The following SUCO variants were observed in gnomAD, a reference collection of about 807,000 sequenced individuals.
SUCO encodes SUN domain-containing ossification factor.
Under a neutral mutation model 148.1 loss-of-function variants are expected in SUCO, and 57 were observed. The observed-to-expected ratio is 0.38, with a 90% CI of 0.31 to 0.48. The LOEUF is 0.48. Ranked by LOEUF, SUCO falls within the 20% of genes least tolerant of loss-of-function variation. SUCO has a pLI of 0.96. For missense variants in SUCO, 1,331 were observed against 1,468.2 expected, an observed-to-expected ratio of 0.91 and a Z score of 1.53; for synonymous variants, 470 against 502.7, an observed-to-expected ratio of 0.93 and a Z score of 0.87.
At chr1:172,579,840 A>G (rs575211031) in intron 15 of SUCO, among the ~76,000 whole-genome samples, 1 of 152,280 alleles carries the variant, frequency 6.6e-6, no homozygotes, top group South Asian at 2.1e-4. Context: ...TCATGGTTAG[A>G]TTCTGTGTAG....
At chr1:172,532,395 A>G (rs1408969797), upstream of SUCO, 1 of 1,129,020 alleles carries the variant, frequency 8.9e-7, no homozygotes. Context: ...AGCACACTTA[A>G]AGTGAGGAAC....
Position 172,610,084 on chromosome 1 carries a change from C to A in SUCO, c.3590C>A (p.Thr1197Asn), listed in dbSNP as rs1658119432. 1 of 1,613,664 alleles carries A rather than the reference C, an allele frequency of 6.2e-7. No homozygotes were observed. ...AATGGACAGTCTCAAAAGACAAAAA[C>A]TGAGAAGAGGGCTTTAAAACGAAGA... ...LCNGQSQKTK[T>N]EKRALKRRRS... The change falls in exon 24 of 24, where the codon ACT becomes AAT. Residue 1197 changes from threonine (T) to asparagine (N), a missense_variant. By Grantham distance (65) the Thr-to-Asn change is moderately conservative. Around this residue, in one of 3 missense-constraint regions of SUCO, gnomAD observed 334 missense variants for 352.3 expected, o/e 0.95. Coordinates refer to ENST00000263688, the MANE Select transcript of SUCO (RefSeq NM_014283.5).
intron 3 of SUCO, among the ~76,000 whole-genome samples, chr1:172,554,703 C>G (rs1329853595): frequency 6.7e-6 from 1 of 149,798 alleles, no homozygotes; most frequent in East Asian, 2.0e-4. Flanking sequence ...TGCCACTGCA[C>G]TCCAGCCTGG....
At chr1:172,572,700 A>T (rs1485997666) in intron 9 of SUCO, among the ~76,000 whole-genome samples, 146 of 109,268 alleles carry the variant, frequency 1.3e-3, no homozygotes, top group African/African-American at 5.9e-3. Context: ...GATCAATAAA[A>T]AAAAAAAAAA....
At chr1:172,593,212 A>C (rs1339043237) in intron 19 of SUCO, among the ~76,000 whole-genome samples, 1 of 152,238 alleles carries the variant, frequency 6.6e-6, no homozygotes, top group South Asian at 2.1e-4. Flanking sequence ...CAGTCATGTT[A>C]TCTGCAAACA....
chr1:172,609,056 G>A (rs879259669), intron 23 of SUCO, among the ~76,000 whole-genome samples: 1 of 152,038 alleles, frequency 6.6e-6, no homozygotes, highest in Non-Finnish European at 1.5e-5. Context: ...GAGAGAAAAT[G>A]TGTGACCTGC....
chr1:172,570,023 T>C, intron 7 of SUCO, 24 bp from the exon 8 acceptor site: 3 of 1,367,710 alleles, frequency 2.2e-6, no homozygotes, highest in Non-Finnish European at 2.8e-6. Context: ...TATATAAATA[T>C]TTATAATAAC....
chr1:172,555,808 T>G, intron 3 of SUCO, 61 bp from the exon 4 acceptor site: 1 of 1,340,468 alleles, frequency 7.5e-7, no homozygotes. Context: ...ATGCCCGTTC[T>G]GCTAAAGAGA....
intron 20 of SUCO, 98 bp downstream of exon 20, chr1:172,600,266 C>A: frequency 3.6e-6 from 3 of 843,104 alleles, no homozygotes; most frequent in Non-Finnish European, 5.5e-6. Context: ...AAACTTTGAC[C>A]AAACAAAATT....
chr1:172,545,898 G>A (rs944597849), intron 1 of SUCO, among the ~76,000 whole-genome samples: 7 of 151,856 alleles, frequency 4.6e-5, no homozygotes, highest in African/African-American at 1.2e-4. Context: ...CCTTCTGTCC[G>A]TCCGTCCGTC....
chr1:172,600,500 C>T (rs1034221756), intron 20 of SUCO, among the ~76,000 whole-genome samples: 1 of 152,064 alleles, frequency 6.6e-6, no homozygotes, highest in Non-Finnish European at 1.5e-5. Flanking sequence ...GCAAACATTT[C>T]ATTGATTTAA....
chr1:172,533,312 C>T lies in SUCO; in HGVS notation c.-124C>T, dbSNP rs2149211817. The T allele has an allele frequency of 6.4e-7, 1 of 1,550,934 alleles. No individual in the cohort carries two copies. The highest frequency in any genetic ancestry group is 8.7e-7 in the Non-Finnish European group (1 of 1,146,978). ...CACTGAGGAGCCGCTCAGCCAGCGC[C>T]ATAGCCCTTAGGACTATCGGTCACA... On this transcript the variant is annotated 5_prime_UTR_variant, in exon 1 of 24. Coordinates refer to ENST00000263688, the MANE Select transcript of SUCO (RefSeq NM_014283.5).
Position 172,601,966 on chromosome 1 carries a change from A to C in SUCO, c.3019-98A>C, listed in dbSNP as rs1657557931. 3 of 1,253,610 alleles carry C rather than the reference A, an allele frequency of 2.4e-6. No homozygotes were observed. In the Admixed American group the frequency reaches 8.0e-5, roughly 34 times the overall value. The allele number at this position is 1,253,610 out of a possible 1,614,324, so 77.7% of individuals were successfully genotyped here. On this transcript the variant is annotated intron_variant, in intron 20 of 23. Transcript: ENST00000263688. ...TTCTGGTCTTTGAAGCACATTAAAA[A>C]AATACTTAAAATGATTTGTCCTTTG...
At chr1:172,550,055 G>C (rs61806142) in intron 1 of SUCO, among the ~76,000 whole-genome samples, 1 of 151,844 alleles carries the variant, frequency 6.6e-6, no homozygotes, top group Non-Finnish European at 1.5e-5. Flanking sequence ...TCTATTCCTT[G>C]TTTACAGCTA....
chr1:172,564,487 C>T (rs759469174), intron 6 of SUCO, among the ~76,000 whole-genome samples: 1 of 152,178 alleles, frequency 6.6e-6, no homozygotes, highest in African/African-American at 2.4e-5. Flanking sequence ...CTTTCTCCTG[C>T]GCCACCATGT....
intron 1 of SUCO, among the ~76,000 whole-genome samples, chr1:172,550,605 C>G (rs1290751851): frequency 6.6e-6 from 1 of 151,810 alleles, no homozygotes; most frequent in Non-Finnish European, 1.5e-5. Flanking sequence ...CCTCTTTTAT[C>G]TTCATGTTTT....
intron 19 of SUCO, 85 bp from the exon 20 acceptor site, chr1:172,599,979 G>GT (rs564785527): frequency 1.3e-4 from 119 of 928,566 alleles, no homozygotes; most frequent in East Asian, 3.5e-4. Flanking sequence ...TAACTTAATG[G>GT]TTTTTTTTAG....
intron 6 of SUCO, among the ~76,000 whole-genome samples, chr1:172,558,275 T>A (rs1264821753): frequency 1.3e-5 from 2 of 152,224 alleles, no homozygotes; most frequent in Admixed American, 1.3e-4. Context: ...AGTGTGATTC[T>A]TATAATTAAG....
chr1:172,574,904 T>G (rs1172781984), intron 10 of SUCO: 1 of 985,066 alleles, frequency 1.0e-6, no homozygotes, highest in Non-Finnish European at 1.2e-6. Flanking sequence ...CTTGCTCAGT[T>G]CACTTCTTTT....
Sources: gnomAD v4.1 joint callset for allele counts (sites outside exome capture counted in the v4.1 genomes callset) on GRCh38, gnomAD v4.1.1 for gene constraint, gnomAD v4.1.1 regional missense constraint, MANE v1.5 for transcripts, NCBI Gene and HGNC (gene_info 2026-07-23, HGNC 2026-07-21) for gene names.